SRPX: variants seen among roughly 807,000 people sequenced by gnomAD.
The protein encoded by SRPX is sushi repeat-containing protein SRPX.
In SRPX, 24 loss-of-function variants were observed where a neutral mutation model predicts 38.1. The ratio of observed to expected loss-of-function variants is 0.63; its 90% CI spans 0.46 to 0.89. SRPX has a LOEUF of 0.89. Among genes scored for constraint, SRPX ranks in the 40% least tolerant of loss-of-function variants. SRPX has a pLI of 0.00. For synonymous variants in SRPX, 184 were observed against 153.8 expected, an observed-to-expected ratio of 1.20 and a Z score of -1.45; for missense variants, 416 against 377.8, an observed-to-expected ratio of 1.10 and a Z score of -0.84.
intron 1 of SRPX, among the ~76,000 whole-genome samples, chrX:38,196,754 T>C (rs1939006076): frequency 8.9e-6 from 1 of 112,278 alleles, no homozygotes; most frequent in Non-Finnish European, 1.9e-5. Context: ...CCCATAAAGA[T>C]ATGCTAATGA....
chrX:38,160,898 G>C (rs1488550337), intron 6 of SRPX, 35 bp downstream of exon 6: 2 of 1,197,783 alleles, frequency 1.7e-6, no homozygotes, highest in Non-Finnish European at 2.3e-6. Flanking sequence ...CTTCTAAAGA[G>C]AGGGGGAAAC....
At chrX:38,178,605 T>C (rs182080734) in intron 1 of SRPX, among the ~76,000 whole-genome samples, 130 of 111,705 alleles carry the variant, frequency 1.2e-3, no homozygotes, top group African/African-American at 4.1e-3. Flanking sequence ...AATTCTGGAA[T>C]AGGGAAACAG....
rs750297936 is a variant in SRPX at position 38,164,841 on chromosome X, G to A, written c.581C>T (p.Pro194Leu). 2 of 1,210,637 alleles carry A rather than the reference G, an allele frequency of 1.7e-6. No homozygotes were observed. The highest frequency in any genetic ancestry group is 1.1e-6 in the Non-Finnish European group (1 of 894,788). Reference protein sequence around the residue: ...CPSVKERIAEPNKLTVRVSWE... With the variant: ...CPSVKERIAELNKLTVRVSWE... The stretch of plus-strand genomic sequence containing the variant: ...GGACACCCGGACTGTCAGTTTGTTG[G>A]GTTCTGCAATGCGTTCCTTCACACT... Residue 194 changes from proline to leucine, a missense_variant, in exon 5 of 10, where the codon CCC becomes CTC. Pro to Leu is a moderately conservative substitution (Grantham distance 98). Coordinates refer to ENST00000378533, the MANE Select transcript of SRPX (RefSeq NM_006307.5).
rs1470216799 is a variant in SRPX, at chrX:38,161,030, T to TG, written c.677dup (p.Gly227ArgfsTer17). On this transcript the variant is annotated frameshift_variant, in exon 6 of 10. Transcript: ENST00000378533. LOFTEE classifies it high-confidence loss of function. ...GGTCTCCTTCTGGAAAGTTGGAGCC[T>TG]GGGGGGAGGCCTTTTAGAATGACAC... The TG allele has an allele frequency of 8.3e-7, 1 of 1,210,055 alleles. No individual in the cohort carries two copies. The highest frequency in any genetic ancestry group is 1.1e-6 in the Non-Finnish European group (1 of 894,859).
At chrX:38,210,686 A>G (rs1290293899) in intron 1 of SRPX, among the ~76,000 whole-genome samples, 8 of 112,593 alleles carry the variant, frequency 7.1e-5, no homozygotes, top group Non-Finnish European at 1.5e-4. Flanking sequence ...TAGTTTTTAG[A>G]GCATCTAAGA....
At chrX:38,172,085 C>G (rs925018910) in intron 3 of SRPX, 28 bp from the exon 4 acceptor site, 2 of 1,191,511 alleles carry the variant, frequency 1.7e-6, no homozygotes, top group African/African-American at 3.5e-5. Flanking sequence ...AGATATTCAG[C>G]ATTTCTTAGT....
chrX:38,151,202 A>T (rs1416721454), intron 9 of SRPX, among the ~76,000 whole-genome samples: 1 of 112,426 alleles, frequency 8.9e-6, no homozygotes, highest in African/African-American at 3.2e-5. Context: ...AGAGGACATG[A>T]CAATACCTCT....
rs761936351 is a variant in SRPX at position 38,171,865 on chromosome X, T to C, written c.526+16A>G. The C allele has an allele frequency of 5.8e-6, 7 of 1,208,420 alleles. No individual in the cohort carries two copies. In the South Asian group the frequency reaches 8.8e-5, roughly 15 times the overall value. Reference sequence around the variant, plus strand: ...CCCAAAGCAAGTGCCTCCTAAGGGCTGTGGCATTTTCTTACCCACACAGGA... The same window carrying C: ...CCCAAAGCAAGTGCCTCCTAAGGGCCGTGGCATTTTCTTACCCACACAGGA... On this transcript the variant is annotated intron_variant, in intron 4 of 9. Coordinates refer to ENST00000378533, the MANE Select transcript of SRPX (RefSeq NM_006307.5).
At chrX:38,209,730 CT>C (rs1486293791) in intron 1 of SRPX, among the ~76,000 whole-genome samples, 1 of 112,544 alleles carries the variant, frequency 8.9e-6, no homozygotes, top group Non-Finnish European at 1.9e-5. Flanking sequence ...ACCCCAAGGG[CT>C]GTTCCCCAGC....
rs1411012891 is a variant in SRPX at position 38,178,411 on chromosome X, A to G, written c.98-67T>C. 17 of 979,529 alleles carry G rather than the reference A, an allele frequency of 1.7e-5. No individual in the cohort carries two copies. In the Admixed American group the frequency reaches 3.8e-4, roughly 22 times the overall value. 80.7% of individuals were successfully genotyped at this position (979,529 alleles called of 1,213,427 possible). On this transcript the variant is annotated intron_variant, in intron 1 of 9. Coordinates refer to ENST00000378533, the MANE Select transcript of SRPX (RefSeq NM_006307.5). Reference sequence around the variant, plus strand: ...ATAGTATGGACGCATATTTCAAAGCATTCCTTTGCCACAGACCATGCAGGA... The same window carrying G: ...ATAGTATGGACGCATATTTCAAAGCGTTCCTTTGCCACAGACCATGCAGGA...
At chrX:38,202,881 T>C (rs1465843935) in intron 1 of SRPX, among the ~76,000 whole-genome samples, 3 of 112,284 alleles carry the variant, frequency 2.7e-5, no homozygotes, top group African/African-American at 9.7e-5. Flanking sequence ...CAGAATGTCT[T>C]CCACAAAATT....
At chrX:38,200,868 C>T (rs929289206) in intron 1 of SRPX, among the ~76,000 whole-genome samples, 1 of 111,872 alleles carries the variant, frequency 8.9e-6, no homozygotes, top group African/African-American at 3.2e-5. Flanking sequence ...GCATTTGATG[C>T]CTAATCATTC....
intron 1 of SRPX, among the ~76,000 whole-genome samples, chrX:38,184,211 C>T (rs1287769281): frequency 8.9e-6 from 1 of 111,844 alleles, no homozygotes; most frequent in Non-Finnish European, 1.9e-5. Flanking sequence ...GAAAACTTGG[C>T]AAATTTGCTA....
chrX:38,209,012 C>G (rs1939268712), intron 1 of SRPX, among the ~76,000 whole-genome samples: 1 of 103,501 alleles, frequency 9.7e-6, no homozygotes, highest in South Asian at 4.4e-4. Flanking sequence ...TTTTTTTTTG[C>G]AAAAAATTTT....
rs372400498 is a variant in SRPX at position 38,173,495 on chromosome X, G to T, written c.349+665C>A. Among the ~76,000 whole-genome samples the T allele has an allele frequency of 2.7e-5, 3 of 110,435 alleles. No homozygotes were observed. The Admixed American group carries it at 2.9e-4, about 11-fold the overall frequency. The stretch of plus-strand genomic sequence containing the variant: ...GATGGAGTCTTGCTCTGTCACCCAG[G>T]TTGGAGTGCAGTGGCACAATCTCGG... On this transcript the variant is annotated intron_variant, in intron 3 of 9. Transcript: ENST00000378533.
intron 1 of SRPX, among the ~76,000 whole-genome samples, chrX:38,186,753 A>G (rs1430614872): frequency 9.0e-6 from 1 of 111,236 alleles, no homozygotes; most frequent in Non-Finnish European, 1.9e-5. Context: ...CTTCCTCCCC[A>G]CCTGTTTCCT....
chrX:38,192,817 T>C (rs900402929), intron 1 of SRPX, among the ~76,000 whole-genome samples: 2 of 111,661 alleles, frequency 1.8e-5, no homozygotes, highest in Non-Finnish European at 3.8e-5. Context: ...GAAGTCCTCA[T>C]TTGCAGCGAT....
chrX:38,163,957 G>C (rs1938311264), intron 5 of SRPX, among the ~76,000 whole-genome samples: 1 of 111,443 alleles, frequency 9.0e-6, no homozygotes, highest in Non-Finnish European at 1.9e-5. Context: ...ATGGCCTGGG[G>C]GCATGAGTAG....
chrX:38,151,681 G>A (rs754959247), intron 9 of SRPX, among the ~76,000 whole-genome samples: 34 of 111,278 alleles, frequency 3.1e-4, no homozygotes, highest in African/African-American at 7.8e-4. Flanking sequence ...CACTAGGGCC[G>A]AAAGACCACA....
Sources: gnomAD v4.1 joint callset for allele counts (sites outside exome capture counted in the v4.1 genomes callset) on GRCh38, gnomAD v4.1.1 for gene constraint, MANE v1.5 for transcripts, NCBI Gene and HGNC (gene_info 2026-07-23, HGNC 2026-07-21) for gene names.